The following ADAMTSL1 variants were observed in gnomAD, a reference collection of about 807,000 sequenced individuals.
ADAMTSL1 encodes the protein ADAMTS-like protein 1.
ADAMTSL1 carries 126 observed loss-of-function variants against 201.8 expected under a neutral mutation model. That is an observed-to-expected ratio of 0.62 (90% CI 0.54 to 0.72). The LOEUF (loss-of-function observed/expected upper bound fraction) is 0.72. Ranked by LOEUF, ADAMTSL1 falls within the 30% of genes least tolerant of loss-of-function variation. The pLI, the probability that ADAMTSL1 is intolerant of heterozygous loss-of-function variation, is 0.00. For synonymous variants in ADAMTSL1, 1,121 were observed against 903.4 expected (o/e 1.24, Z -4.32); for missense variants, 2,679 against 2,277.8 (o/e 1.18, Z -3.59).
intron 1 of ADAMTSL1, among the ~76,000 whole-genome samples, chr9:18,142,306 T>C (rs765579640): frequency 6.6e-6 from 1 of 152,214 alleles, no homozygotes; most frequent in African/African-American, 2.4e-5. Flanking sequence ...TTCCCTCACT[T>C]GCTATTTCTT....
chr9:18,561,513 G>T (rs751646250), intron 3 of ADAMTSL1, among the ~76,000 whole-genome samples: 5 of 152,122 alleles, frequency 3.3e-5, no homozygotes, highest in Non-Finnish European at 5.9e-5. Flanking sequence ...TGTTGATTTG[G>T]GGTGGACGGT....
At chr9:18,558,781 G>T (rs542394231) in intron 3 of ADAMTSL1, among the ~76,000 whole-genome samples, 1 of 151,414 alleles carries the variant, frequency 6.6e-6, no homozygotes, top group Non-Finnish European at 1.5e-5. Flanking sequence ...GTTTTTTTTC[G>T]TATGTTTGTT....
intron 2 of ADAMTSL1, among the ~76,000 whole-genome samples, chr9:18,506,453 A>G (rs1350714904): frequency 6.6e-6 from 1 of 152,208 alleles, no homozygotes. Flanking sequence ...GGGAATTTTC[A>G]TATTGTCTCA....
intron 2 of ADAMTSL1, among the ~76,000 whole-genome samples, chr9:18,403,039 T>C (rs1020012760): frequency 3.3e-5 from 5 of 152,156 alleles, no homozygotes; most frequent in Admixed American, 1.3e-4. Context: ...ATGACACTGC[T>C]AGTAAATGGC....
intron 2 of ADAMTSL1, among the ~76,000 whole-genome samples, chr9:18,452,047 G>T (rs1400904226): frequency 6.6e-6 from 1 of 152,152 alleles, no homozygotes; most frequent in Admixed American, 6.5e-5. Flanking sequence ...CCGAGTAGCT[G>T]GGATTACAGG....
At chr9:18,522,253 C>A (rs983397524) in intron 2 of ADAMTSL1, among the ~76,000 whole-genome samples, 1 of 152,026 alleles carries the variant, frequency 6.6e-6, no homozygotes, top group East Asian at 1.9e-4. Context: ...ATGCAGTATA[C>A]CCGTGTAACA....
intron 23 of ADAMTSL1, among the ~76,000 whole-genome samples, chr9:18,852,207 C>T (rs1826540573): frequency 1.3e-5 from 2 of 152,198 alleles, no homozygotes; most frequent in South Asian, 4.1e-4. Context: ...CTGCCACTTG[C>T]TAATAATTGC....
intron 1 of ADAMTSL1, among the ~76,000 whole-genome samples, chr9:18,147,722 G>A (rs2132030661): frequency 6.6e-6 from 1 of 152,214 alleles, no homozygotes; most frequent in South Asian, 2.1e-4. Flanking sequence ...CAAAGCAACT[G>A]TAGAAACTGT....
intron 7 of ADAMTSL1, 64 bp downstream of exon 7, chr9:18,639,475 T>C: frequency 6.4e-7 from 1 of 1,560,984 alleles, no homozygotes; most frequent in South Asian, 1.2e-5. Context: ...TATAATTTCC[T>C]GAGCAGAGAG....
rs897429848 is a variant in ADAMTSL1 at position 18,358,002 on chromosome 9, C to A, written c.208-146827C>A. ...CTTCTCACCCTATTTTCCAAGGAGG[C>A]TGTATTGAATAGTGAATGAGAGCAT... is the stretch of plus-strand genomic sequence containing the variant. On this transcript the variant is annotated intron_variant, in intron 2 of 29. Transcript: ENST00000680146. Among the ~76,000 whole-genome samples the A allele has an allele frequency of 2.0e-5, 3 of 152,208 alleles. No homozygotes were observed. In the East Asian group the frequency reaches 5.8e-4, roughly 29 times the overall value.
At position 18,721,652 on chromosome 9, in the gene ADAMTSL1, C is replaced by A. The variant is rs759321450; in HGVS notation, c.1993C>A (p.Pro665Thr). 6.2e-7 allele frequency: 1 copy of A among 1,613,900 alleles called. No homozygotes were observed. The highest frequency in any genetic ancestry group is 8.5e-7 in the Non-Finnish European group (1 of 1,179,832). ...PQLLKSCNLD[P>T]CPARWEIGKW... ...GCTCCTGAAGTCCTGCAATTTGGAT[C>A]CCTGCCCAGCAAGGTAAGGGATGTG... Residue 665 changes from proline (P) to threonine (T), a missense_variant, in exon 15 of 29, where the codon CCC becomes ACC. Physicochemically the swap from Pro to Thr is conservative, Grantham distance 38. Transcript: ENST00000380548.
intron 1 of ADAMTSL1, among the ~76,000 whole-genome samples, chr9:18,046,206 T>C (rs1045662027): frequency 6.6e-6 from 1 of 152,114 alleles, no homozygotes; most frequent in Non-Finnish European, 1.5e-5. Context: ...TAGGCTTGAG[T>C]GCTGTAATGC....
chr9:18,695,319 T>C (rs778361673), intron 13 of ADAMTSL1, among the ~76,000 whole-genome samples: 14 of 152,238 alleles, frequency 9.2e-5, no homozygotes, highest in Non-Finnish European at 1.9e-4. Context: ...TATTAAGATT[T>C]GGCTCTTTTT....
intron 2 of ADAMTSL1, among the ~76,000 whole-genome samples, chr9:18,266,328 C>A (rs1832116157): frequency 6.6e-6 from 1 of 152,230 alleles, no homozygotes; most frequent in African/African-American, 2.4e-5. Context: ...GAAGTCACAG[C>A]AGACCAGAGC....
At position 18,232,506 on chromosome 9, in the gene ADAMTSL1, C is replaced by A. The variant is rs534688404; in HGVS notation, c.207+68525C>A. On this transcript the variant is annotated intron_variant, in intron 2 of 29. Coordinates refer to the ADAMTSL1 transcript ENST00000680146. ...TATTCCACAAGGATGTCATGTTTGT[C>A]CCTTTTTTTCGCTGATGTGTTTTTG... is the stretch of plus-strand genomic sequence containing the variant. 4.6e-5 allele frequency among the ~76,000 whole-genome samples: 7 copies of A among 152,216 alleles called. No homozygotes were observed. In the South Asian group the frequency reaches 1.5e-3, roughly 32 times the overall value.
chr9:18,658,852 A>C (rs1223811930), intron 8 of ADAMTSL1, among the ~76,000 whole-genome samples: 1 of 152,186 alleles, frequency 6.6e-6, no homozygotes, highest in Non-Finnish European at 1.5e-5. Context: ...ATACCTAAGT[A>C]TTTTTCTCTT....
At position 18,778,558 on chromosome 9, in the gene ADAMTSL1, G is replaced by C. The variant is rs116494995; in HGVS notation, c.3677+652G>C. On this transcript the variant is annotated intron_variant, in intron 19 of 28. Transcript: ENST00000380548. ...CATTCATAATGTAGAATCAATAGTG[G>C]TAGTAGAATTAATAATATTTTTTAC... Among the ~76,000 whole-genome samples, 761 of 152,278 alleles carry C rather than the reference G, an allele frequency of 5.0e-3. 11 individuals are homozygous for C. Among genetic ancestry groups the C allele is most frequent in the African/African-American group, 0.017 (699 of 41,558 alleles).
chr9:18,583,830 T>A (rs941010049), intron 4 of ADAMTSL1, among the ~76,000 whole-genome samples: 1 of 152,178 alleles, frequency 6.6e-6, no homozygotes, highest in African/African-American at 2.4e-5. Flanking sequence ...GATTTTGGAC[T>A]TGAGTAGGGC....
At chr9:18,549,231 A>G (rs1189479548) in intron 3 of ADAMTSL1, among the ~76,000 whole-genome samples, 1 of 149,888 alleles carries the variant, frequency 6.7e-6, no homozygotes. Flanking sequence ...GCTACCAGAG[A>G]AAAGACAGAG....
Sources: gnomAD v4.1 joint callset for allele counts (sites outside exome capture counted in the v4.1 genomes callset) on GRCh38, gnomAD v4.1.1 for gene constraint, MANE v1.5 for transcripts, NCBI Gene and HGNC (gene_info 2026-07-23, HGNC 2026-07-21) for gene names.